PTPRN2: variants seen among roughly 807,000 people sequenced by gnomAD.
PTPRN2 encodes the protein protein tyrosine phosphatase receptor type N2.
Under a neutral mutation model 118.8 loss-of-function variants are expected in PTPRN2, and 74 were observed. The observed-to-expected ratio is 0.62, with a 90% CI of 0.52 to 0.76. PTPRN2 has a LOEUF of 0.76. PTPRN2 is among the 30% of genes least tolerant of loss of function. The pLI is 0.00. For missense variants in PTPRN2, 1,481 were observed against 1,394.4 expected, an observed-to-expected ratio of 1.06 and a Z score of -0.99; for synonymous variants, 641 against 608.0, an observed-to-expected ratio of 1.05 and a Z score of -0.80.
chr7:158,400,132 G>A (rs1812823768), intron 2 of PTPRN2, among the ~76,000 whole-genome samples: 1 of 152,166 alleles, frequency 6.6e-6, no homozygotes, highest in Non-Finnish European at 1.5e-5. Context: ...TGTGCTTTCT[G>A]ACAGTCTTTA....
intron 2 of PTPRN2, among the ~76,000 whole-genome samples, chr7:158,336,893 C>A (rs369425113): frequency 9.5e-6 from 1 of 104,766 alleles, no homozygotes; most frequent in East Asian, 3.1e-4. Flanking sequence ...CTCACACCCA[C>A]ACTCTCACCA....
At chr7:158,541,357 A>G (rs1337089582) in intron 1 of PTPRN2, 1 of 1,180,432 alleles carries the variant, frequency 8.5e-7, no homozygotes, top group Non-Finnish European at 1.1e-6. Flanking sequence ...AGCCCTACAA[A>G]CCTAACTTGT....
At position 157,935,552 on chromosome 7, in the gene PTPRN2, T is replaced by A. The variant is rs1307023270; in HGVS notation, c.1724-36815A>T. Among the ~76,000 whole-genome samples the A allele has an allele frequency of 2.0e-5, 3 of 152,264 alleles. No individual in the cohort carries two copies. The South Asian group carries it at 6.2e-4, about 31-fold the overall frequency. On this transcript the variant is annotated intron_variant, in intron 11 of 22. Coordinates refer to ENST00000389418, the MANE Select transcript of PTPRN2 (RefSeq NM_002847.5). The stretch of plus-strand genomic sequence containing the variant: ...CTTCTCCGTCTTTCCCTTTACGTTC[T>A]TGAACAGATCTGGAATTGTTGTTAA...
intron 3 of PTPRN2, among the ~76,000 whole-genome samples, chr7:158,259,881 GTGTGTCCA>G (rs1467191975): frequency 2.1e-5 from 3 of 146,148 alleles, no homozygotes; most frequent in South Asian, 4.3e-4. Flanking sequence ...ATGTGCGTTT[GTGTGTCCA>G]TGTGTCCATG....
intron 18 of PTPRN2, among the ~76,000 whole-genome samples, chr7:157,577,672 C>T (rs1480124395): frequency 1.3e-5 from 2 of 152,136 alleles, no homozygotes; most frequent in Admixed American, 6.6e-5. Flanking sequence ...CGCTGTGAGG[C>T]GAATGTTTTT....
At chr7:157,862,919 G>A (rs117254776) in intron 12 of PTPRN2, 1,697 of 152,504 alleles carry the variant, frequency 0.011, 28 homozygotes, top group Non-Finnish European at 0.014. Flanking sequence ...GGACAGTGAC[G>A]CTCACAGCAC....
chr7:157,962,361 G>T (rs1585095363), intron 11 of PTPRN2, among the ~76,000 whole-genome samples: 1 of 151,922 alleles, frequency 6.6e-6, no homozygotes, highest in Non-Finnish European at 1.5e-5. Flanking sequence ...CCCAGCGGGA[G>T]CGTTATTCCC....
intron 2 of PTPRN2, among the ~76,000 whole-genome samples, chr7:158,372,836 T>C (rs1352903670): frequency 6.6e-6 from 1 of 152,232 alleles, no homozygotes; most frequent in African/African-American, 2.4e-5. Context: ...TCAAAAGGCA[T>C]GCATAGTCCT....
At chr7:158,190,978 G>C (rs1329993691) in intron 5 of PTPRN2, among the ~76,000 whole-genome samples, 1 of 152,264 alleles carries the variant, frequency 6.6e-6, no homozygotes. Flanking sequence ...AGACACAGAA[G>C]TGCCTCAGCT....
At position 157,579,429 on chromosome 7, in the gene PTPRN2, T is replaced by A. The variant is rs147963868; in HGVS notation, c.2497-1289A>T. 3.2e-3 allele frequency among the ~76,000 whole-genome samples: 480 copies of A among 152,342 alleles called. 3 individuals carry two copies. Among genetic ancestry groups the A allele is most frequent in the African/African-American group, 0.011 (458 of 41,574 alleles). The stretch of plus-strand genomic sequence containing the variant: ...TTCAAACCTGCTCCTCCAAATCGGT[T>A]CTTCCATCACATAACAATTTAATGT... On this transcript the variant is annotated intron_variant, in intron 17 of 22. Coordinates refer to ENST00000389418, the MANE Select transcript of PTPRN2 (RefSeq NM_002847.5).
At chr7:157,541,326 C>T (rs777587199) in intron 22 of PTPRN2, among the ~76,000 whole-genome samples, 1 of 152,376 alleles carries the variant, frequency 6.6e-6, no homozygotes, top group Non-Finnish European at 1.5e-5. Flanking sequence ...GTTCCACATG[C>T]TGAGAAACCT....
At chr7:157,917,153 G>A (rs1798449282) in intron 11 of PTPRN2, among the ~76,000 whole-genome samples, 1 of 152,118 alleles carries the variant, frequency 6.6e-6, no homozygotes, top group South Asian at 2.1e-4. Flanking sequence ...GCAGGGGCTG[G>A]CCACGCACCC....
intron 11 of PTPRN2, among the ~76,000 whole-genome samples, chr7:157,951,955 G>T (rs1450328852): frequency 6.6e-6 from 1 of 152,168 alleles, no homozygotes; most frequent in Non-Finnish European, 1.5e-5. Flanking sequence ...ACAACTGCCG[G>T]CTGATCCTGC....
At chr7:158,144,291 T>A (rs1239997129) in intron 6 of PTPRN2, among the ~76,000 whole-genome samples, 1 of 152,154 alleles carries the variant, frequency 6.6e-6, no homozygotes, top group Non-Finnish European at 1.5e-5. Context: ...GGCCAGGGTA[T>A]TCAATTCAGA....
intron 3 of PTPRN2, among the ~76,000 whole-genome samples, chr7:158,216,696 C>T (rs1265632626): frequency 6.6e-6 from 1 of 151,902 alleles, no homozygotes; most frequent in Non-Finnish European, 1.5e-5. Context: ...GATAGAGCAA[C>T]TAAACAAAAA....
At chr7:157,810,928 G>A (rs1476730908) in intron 12 of PTPRN2, among the ~76,000 whole-genome samples, 1 of 152,126 alleles carries the variant, frequency 6.6e-6, no homozygotes, top group East Asian at 1.9e-4. Flanking sequence ...CTGAGGGTCA[G>A]CAGCAGGTAG....
At chr7:157,807,361 A>T (rs537925108) in intron 12 of PTPRN2, among the ~76,000 whole-genome samples, 1 of 152,328 alleles carries the variant, frequency 6.6e-6, no homozygotes, top group Admixed American at 6.5e-5. Flanking sequence ...GGTGCTGCAC[A>T]CACATGGCAG....
intron 5 of PTPRN2, among the ~76,000 whole-genome samples, chr7:158,187,275 T>C (rs923262449): frequency 2.6e-5 from 4 of 152,236 alleles, no homozygotes; most frequent in African/African-American, 4.8e-5. Flanking sequence ...AAAGGCAATA[T>C]GTTTAGGATA....
At position 158,585,026 on chromosome 7, in the gene PTPRN2, G is replaced by A. The variant is rs185526435; in HGVS notation, c.112+2532C>T. 3.0e-4 allele frequency among the ~76,000 whole-genome samples: 46 copies of A among 152,334 alleles called. No homozygotes were observed. The East Asian group carries it at 5.8e-3, about 19-fold the overall frequency. ...ATGTTAATAGGTAAATAAATAAATAGATTACAAATGGCACAGCTGGGCCGG... is the reference window on the plus strand; with the variant it reads ...ATGTTAATAGGTAAATAAATAAATAAATTACAAATGGCACAGCTGGGCCGG... On this transcript the variant is annotated intron_variant, in intron 1 of 22. Transcript: ENST00000389418.
Sources: allele counts gnomAD v4.1 joint callset (sites outside exome capture counted in the v4.1 genomes callset), GRCh38; gene constraint gnomAD v4.1.1; transcripts MANE v1.5; gene names NCBI Gene and HGNC (gene_info 2026-07-23, HGNC 2026-07-21).